INSC: variants seen among roughly 807,000 people sequenced by gnomAD.
The protein encoded by INSC is INSC spindle orientation adaptor protein.
A neutral mutation model predicts 58.6 loss-of-function variants in INSC; 67 were observed. That is an observed-to-expected ratio of 1.14 (90% CI 0.94 to 1.40). The LOEUF is 1.40. Ranked by LOEUF, INSC falls within the 40% of genes most tolerant of loss-of-function variation. INSC has a pLI of 0.00. For missense variants in INSC, 714 were observed against 692.0 expected, an observed-to-expected ratio of 1.03 and a Z score of -0.36; for synonymous variants, 262 against 276.1, an observed-to-expected ratio of 0.95 and a Z score of 0.51.
Position 15,235,682 on chromosome 11 carries a change from G to T in INSC, c.1237+14G>T. Reference sequence around the variant, plus strand: ...TTCAGGAAAATGGTATGTCTTTGCAGCATTGTACATGTTATGTGGATTATC... The same window carrying T: ...TTCAGGAAAATGGTATGTCTTTGCATCATTGTACATGTTATGTGGATTATC... On this transcript the variant is annotated intron_variant, in intron 10 of 12. Coordinates refer to ENST00000379556, the MANE Select transcript of INSC (RefSeq NM_001042536.3). 2 of 1,603,538 alleles carry T rather than the reference G, an allele frequency of 1.2e-6. No individual in the cohort carries two copies. The highest frequency in any genetic ancestry group is 1.7e-6 in the Non-Finnish European group (2 of 1,170,508).
chr11:15,225,681 C>G lies in INSC; in HGVS notation c.1023C>G (p.Val341=), dbSNP rs1322214314. 7 of 1,614,208 alleles carry G rather than the reference C, an allele frequency of 4.3e-6. No individual in the cohort carries two copies. The highest frequency in any genetic ancestry group is 1.7e-5 in the Admixed American group (1 of 60,030). Residue 341 remains valine (V), a synonymous_variant, in exon 9 of 13, where the codon GTC becomes GTG. Coordinates refer to ENST00000379556, the MANE Select transcript of INSC (RefSeq NM_001042536.3). Reference sequence around the variant, plus strand: ...GCCAAGAGGCCTCATCAGGGGAAGTCTTCCTACTGGCCTCTGCGGCCCTTG... The same window carrying G: ...GCCAAGAGGCCTCATCAGGGGAAGTGTTCCTACTGGCCTCTGCGGCCCTTG... The part of the protein sequence containing the change: ...KLCQEASSGE[V]FLLASAALAN...
intron 7 of INSC, among the ~76,000 whole-genome samples, chr11:15,219,991 A>G (rs1248458194): frequency 1.3e-5 from 2 of 152,056 alleles, no homozygotes; most frequent in East Asian, 3.9e-4. Context: ...CCCTTTTATT[A>G]AGCACATCCA....
intron 1 of INSC, among the ~76,000 whole-genome samples, chr11:15,123,316 G>T (rs1847918012): frequency 6.6e-6 from 1 of 152,144 alleles, no homozygotes; most frequent in Non-Finnish European, 1.5e-5. Flanking sequence ...TCTATATGAT[G>T]ATGAGCTCTG....
chr11:15,212,134 C>T (rs1342213903), intron 7 of INSC, among the ~76,000 whole-genome samples: 1 of 152,070 alleles, frequency 6.6e-6, no homozygotes, highest in Non-Finnish European at 1.5e-5. Flanking sequence ...TGGAGTCTCA[C>T]TCTGTCGCCC....
chr11:15,243,981 TTTTTTCTCTGTTGTCTC>T (rs900914436), intron 12 of INSC, among the ~76,000 whole-genome samples: 8 of 152,258 alleles, frequency 5.3e-5, no homozygotes, highest in Admixed American at 2.6e-4. Flanking sequence ...CTTCTTGTTC[TTTTTTCTCTGTTGTCTC>T]TTTTTCTCTG....
At chr11:15,247,941 C>T (rs369171638), downstream of INSC, among the ~76,000 whole-genome samples, 90 of 152,136 alleles carry the variant, frequency 5.9e-4, no homozygotes, top group African/African-American at 2.0e-3. Flanking sequence ...CTTGAAGAGA[C>T]GGACTCGCTT....
intron 1 of INSC, among the ~76,000 whole-genome samples, chr11:15,145,566 G>A (rs1402727734): frequency 1.3e-5 from 2 of 152,156 alleles, no homozygotes; most frequent in Non-Finnish European, 2.9e-5. Flanking sequence ...AGGATAGCAT[G>A]CTTTAAACAG....
intron 2 of INSC, among the ~76,000 whole-genome samples, chr11:15,174,244 C>T (rs1223456953): frequency 2.0e-5 from 3 of 152,178 alleles, no homozygotes; most frequent in South Asian, 4.1e-4. Flanking sequence ...CATCCTTCGT[C>T]GTGTGCTTCA....
At chr11:15,158,903 G>A (rs11023457) in intron 2 of INSC, among the ~76,000 whole-genome samples, 1 of 132,966 alleles carries the variant, frequency 7.5e-6, no homozygotes, top group Non-Finnish European at 1.5e-5. Flanking sequence ...TCTTGGCTGA[G>A]CTCTATGAAG....
At chr11:15,144,078 CAT>C (rs138594698) in intron 1 of INSC, among the ~76,000 whole-genome samples, 1,765 of 152,270 alleles carry the variant, frequency 0.012, 17 homozygotes, top group South Asian at 0.039. Context: ...GCACCTAAGT[CAT>C]GTGTTTTACT....
At chr11:15,235,713 G>C in intron 10 of INSC, 45 bp downstream of exon 10, 1 of 1,485,394 alleles carries the variant, frequency 6.7e-7, no homozygotes, top group Non-Finnish European at 9.4e-7. Flanking sequence ...TTATCTGGAT[G>C]TAGGGGACTG....
At chr11:15,232,943 A>C (rs1851979898) in intron 9 of INSC, among the ~76,000 whole-genome samples, 1 of 152,244 alleles carries the variant, frequency 6.6e-6, no homozygotes, top group Non-Finnish European at 1.5e-5. Context: ...TGTAAGACTC[A>C]TTTAGAACTT....
At chr11:15,204,742 A>C (rs572054723) in intron 7 of INSC, among the ~76,000 whole-genome samples, 25 of 152,352 alleles carry the variant, frequency 1.6e-4, no homozygotes, top group African/African-American at 6.0e-4. Context: ...ATTAGATCAC[A>C]TCAAAGTTCC....
chr11:15,235,972 C>G (rs1852110693), intron 10 of INSC, among the ~76,000 whole-genome samples: 2 of 149,228 alleles, frequency 1.3e-5, no homozygotes, highest in African/African-American at 5.0e-5. Context: ...AGGAGAATCA[C>G]TTGAACCTGG....
chr11:15,157,618 A>G (rs930903145), intron 2 of INSC, among the ~76,000 whole-genome samples: 1 of 152,178 alleles, frequency 6.6e-6, no homozygotes. Flanking sequence ...GAGCCCAGAG[A>G]GTCAGCGAGC....
the INSC span, among the ~76,000 whole-genome samples, chr11:15,263,040 A>T: frequency 3.3e-5 from 5 of 152,156 alleles, no homozygotes; most frequent in Non-Finnish European, 7.4e-5. Flanking sequence ...AAATAGAAAC[A>T]ACGAAACTTC....
At chr11:15,115,829 C>T (rs986527537) in intron 1 of INSC, among the ~76,000 whole-genome samples, 1 of 152,228 alleles carries the variant, frequency 6.6e-6, no homozygotes, top group Non-Finnish European at 1.5e-5. Flanking sequence ...TACCTGTGGA[C>T]AACGACATGT....
intron 9 of INSC, among the ~76,000 whole-genome samples, chr11:15,229,896 A>G (rs1366429130): frequency 1.5e-5 from 2 of 133,792 alleles, no homozygotes; most frequent in African/African-American, 5.7e-5. Flanking sequence ...TATCTCTATA[A>G]AAAACATTTT....
At chr11:15,156,014 C>G (rs190350228) in intron 2 of INSC, among the ~76,000 whole-genome samples, 4 of 152,288 alleles carry the variant, frequency 2.6e-5, no homozygotes, top group African/African-American at 9.6e-5. Flanking sequence ...GTCCACAAGG[C>G]AAGGGCAGAG....
Sources: allele counts gnomAD v4.1 joint callset (sites outside exome capture counted in the v4.1 genomes callset), GRCh38; gene constraint gnomAD v4.1.1; transcripts MANE v1.5; gene names NCBI Gene and HGNC (gene_info 2026-07-23, HGNC 2026-07-21).